Variants in CCDC144A observed in about 807,000 individuals in gnomAD.
CCDC144A encodes coiled-coil domain containing 144A.
A neutral mutation model predicts 143.8 loss-of-function variants in CCDC144A; 41 were observed. The observed-to-expected ratio is 0.29, with a 90% CI of 0.22 to 0.37. The LOEUF (loss-of-function observed/expected upper bound fraction) is 0.37, where lower values mean the gene tolerates loss of function less well. Among genes scored for constraint, CCDC144A ranks in the 10% least tolerant of loss-of-function variants. The pLI, the probability that CCDC144A is intolerant of heterozygous loss-of-function variation, is 1.00. For synonymous variants in CCDC144A, 242 were observed against 517.9 expected (o/e 0.47, Z 7.23); for missense variants, 637 against 1,488.8 (o/e 0.43, Z 9.41).
At chr17:16,771,465 C>T (rs1192928546) in intron 15 of CCDC144A, among the ~76,000 whole-genome samples, 1 of 152,220 alleles carries the variant, frequency 6.6e-6, no homozygotes, top group Non-Finnish European at 1.5e-5. Flanking sequence ...CATGGCATCA[C>T]AACAATACTG....
intron 15 of CCDC144A, among the ~76,000 whole-genome samples, chr17:16,768,721 T>C (rs1172086258): frequency 6.6e-6 from 1 of 152,214 alleles, no homozygotes; most frequent in Non-Finnish European, 1.5e-5. Context: ...AGCCTGTCAA[T>C]AAGTTATTGC....
intron 12 of CCDC144A, among the ~76,000 whole-genome samples, chr17:16,759,605 T>A (rs1217303629): frequency 1.3e-5 from 2 of 148,374 alleles, no homozygotes; most frequent in Non-Finnish European, 3.0e-5. Context: ...TTCTTCACTA[T>A]CCTGGAGCCC....
At chr17:16,763,895 A>G (rs1915483587) in intron 14 of CCDC144A, 70 bp from the exon 15 acceptor site, 8 of 1,483,262 alleles carry the variant, frequency 5.4e-6, no homozygotes, top group Middle Eastern at 1.8e-4. Context: ...TTTTAGAACA[A>G]TCGAAGTCAT....
chr17:16,724,943 G>A (rs1184964353), intron 8 of CCDC144A, among the ~76,000 whole-genome samples: 2 of 142,296 alleles, frequency 1.4e-5, no homozygotes, highest in South Asian at 2.2e-4. Context: ...GAGCCACCGC[G>A]CCCAGCCGAT....
Position 16,775,742 on chromosome 17 carries a change from C to T in CCDC144A, c.*2109C>T, listed in dbSNP as rs1354288772. The T allele has an allele frequency of 1.3e-5, 2 of 152,228 alleles. No homozygotes were observed. The highest frequency in any genetic ancestry group is 6.5e-5 in the Admixed American group (1 of 15,286). 9.4% of individuals were successfully genotyped at this position (152,228 alleles called of 1,614,324 possible). On this transcript the variant is annotated 3_prime_UTR_variant, in exon 17 of 17. Transcript: ENST00000399273. ...CATTTGTCAATTTTGGCTTTTGTTG[C>T]AATTGCTTTTGGCATCTTCGTCATG...
intron 4 of CCDC144A, among the ~76,000 whole-genome samples, chr17:16,708,353 A>AACTTACATGTAGTAATATATAGT (rs904857357): frequency 6.6e-6 from 1 of 152,156 alleles, no homozygotes; most frequent in African/African-American, 2.4e-5. Flanking sequence ...TAATCTATGG[A>AACTTACATGTAGTAATATATAGT]ACTTACATGT....
chr17:16,731,430 T>G (rs1222720427), intron 9 of CCDC144A: 2 of 200,152 alleles, frequency 1.0e-5, no homozygotes, highest in African/African-American at 2.4e-5. Context: ...AGTAACTTCT[T>G]TTAAATTAGC....
chr17:16,757,357 C>T lies in CCDC144A; in HGVS notation c.3373-4068C>T, dbSNP rs575224993. On this transcript the variant is annotated intron_variant, in intron 12 of 16. Coordinates refer to ENST00000399273, the MANE Select transcript of CCDC144A (RefSeq NM_001382000.1). ...CTTGTCCACAGGTTAACTGAAGACA[C>T]GTGCAGGAGCCTTTGCCAGTGGCTG... 1.9e-3 allele frequency among the ~76,000 whole-genome samples: 282 copies of T among 152,334 alleles called. 2 individuals carry two copies. The highest frequency in any genetic ancestry group is 6.5e-3 in the African/African-American group (269 of 41,554).
intron 2 of CCDC144A, among the ~76,000 whole-genome samples, chr17:16,696,076 G>C (rs1374673482): frequency 1.3e-5 from 2 of 152,142 alleles, no homozygotes; most frequent in Non-Finnish European, 2.9e-5. Flanking sequence ...GTGCAGTGGC[G>C]TTCTCTTGGC....
intron 15 of CCDC144A, 154 bp downstream of exon 15, chr17:16,764,329 T>C: frequency 6.9e-7 from 1 of 1,459,594 alleles, no homozygotes. Flanking sequence ...TACCGTTATT[T>C]TTAAGTCTCT....
At chr17:16,726,247 G>T in intron 8 of CCDC144A, among the ~76,000 whole-genome samples, 1 of 151,530 alleles carries the variant, frequency 6.6e-6, no homozygotes, top group East Asian at 1.9e-4. Context: ...CGGGCGCGGT[G>T]GCAGGCGCCT....
the CCDC144A span, among the ~76,000 whole-genome samples, chr17:16,679,980 T>C: frequency 3.9e-5 from 6 of 152,170 alleles, no homozygotes; most frequent in African/African-American, 1.4e-4. Flanking sequence ...ATACAAAATA[T>C]TTATTTTTTT....
intron 15 of CCDC144A, among the ~76,000 whole-genome samples, 190 bp from the exon 16 acceptor site, chr17:16,771,787 A>G (rs1021134006): frequency 1.1e-3 from 168 of 152,370 alleles, no homozygotes; most frequent in African/African-American, 3.9e-3. Context: ...AAACAGCATA[A>G]CACATATATG....
chr17:16,753,533 C>T (rs1395185607), intron 12 of CCDC144A, among the ~76,000 whole-genome samples: 46 of 142,146 alleles, frequency 3.2e-4, no homozygotes, highest in African/African-American at 6.8e-4. Context: ...AATAGTGGGA[C>T]GGCCTTCTTG....
At chr17:16,678,320 C>T in the CCDC144A span, among the ~76,000 whole-genome samples, 7 of 152,008 alleles carry the variant, frequency 4.6e-5, no homozygotes, top group African/African-American at 1.4e-4. Flanking sequence ...AAATTCCAGG[C>T]ACCCAGCTGG....
At chr17:16,751,084 A>G (rs533884553) in intron 12 of CCDC144A, among the ~76,000 whole-genome samples, 3 of 152,306 alleles carry the variant, frequency 2.0e-5, no homozygotes, top group Non-Finnish European at 4.4e-5. Context: ...GATTTTTTGG[A>G]GGTAATGAAA....
Position 16,703,734 on chromosome 17 carries a change from T to C in CCDC144A, c.416-1417T>C, listed in dbSNP as rs923445879. Among the ~76,000 whole-genome samples, 1,345 of 150,438 alleles carry C rather than the reference T, an allele frequency of 8.9e-3. 11 individuals are homozygous for C. The highest frequency in any genetic ancestry group is 0.024 in the Middle Eastern group (7 of 288). ...CAGAGAATGGCGTGAACCCGGCAGG[T>C]GGAGCTTGCAGTGAGCCGAGATCGC... On this transcript the variant is annotated intron_variant, in intron 2 of 16. Transcript: ENST00000399273.
chr17:16,675,540 T>TA, the CCDC144A span, among the ~76,000 whole-genome samples: 222 of 144,092 alleles, frequency 1.5e-3, 1 homozygote, highest in Non-Finnish European at 2.2e-3. Flanking sequence ...GAAAACAAAA[T>TA]AAAAAAAAAA....
At chr17:16,681,506 G>A in the CCDC144A span, among the ~76,000 whole-genome samples, 2 of 152,088 alleles carry the variant, frequency 1.3e-5, no homozygotes, top group African/African-American at 4.8e-5. Context: ...AGTTACCCAG[G>A]TTTGTTAAGC....
Sources: gnomAD v4.1 joint callset for allele counts (sites outside exome capture counted in the v4.1 genomes callset) on GRCh38, gnomAD v4.1.1 for gene constraint, MANE v1.5 for transcripts, NCBI Gene and HGNC (gene_info 2026-07-23, HGNC 2026-07-21) for gene names.